The following ABCA12 variants were observed in gnomAD, a reference collection of about 807,000 sequenced individuals.
ABCA12 encodes the protein ATP binding cassette subfamily A member 12.
Under a neutral mutation model 293.5 loss-of-function variants are expected in ABCA12, and 156 were observed. The observed-to-expected ratio is 0.53, with a 90% CI of 0.47 to 0.61. The LOEUF is 0.61. ABCA12 is among the 20% of genes least tolerant of loss of function. The probability of loss-of-function intolerance (pLI) is 0.00; values close to 1 mark genes in which losing one functional copy is unlikely to be tolerated. For missense variants in ABCA12, 2,797 were observed against 3,090.2 expected, an observed-to-expected ratio of 0.91 and a Z score of 2.25; for synonymous variants, 1,063 against 1,108.0, an observed-to-expected ratio of 0.96 and a Z score of 0.81.
At chr2:215,010,604 G>GCCTCACATC in intron 17 of ABCA12, 134 bp from the exon 18 acceptor site, 5 of 1,020,946 alleles carry the variant, frequency 4.9e-6, no homozygotes, top group Non-Finnish European at 5.8e-6. Flanking sequence ...ATTAACAGAT[G>GCCTCACATC]TGAGGCATCT....
At chr2:214,951,513 A>G (rs115985564) in intron 44 of ABCA12, among the ~76,000 whole-genome samples, 4,350 of 152,334 alleles carry the variant, frequency 0.029, 206 homozygotes, top group African/African-American at 0.098. Context: ...CTATAATCCC[A>G]GCACTTTGAG....
At chr2:215,104,805 T>G (rs1702429607) in intron 2 of ABCA12, among the ~76,000 whole-genome samples, 1 of 152,176 alleles carries the variant, frequency 6.6e-6, no homozygotes, top group African/African-American at 2.4e-5. Flanking sequence ...TCTTTCGTAT[T>G]TGTGATGGAA....
At chr2:215,009,357 C>G (rs1303589005) in intron 18 of ABCA12, among the ~76,000 whole-genome samples, 1 of 152,054 alleles carries the variant, frequency 6.6e-6, no homozygotes, top group Non-Finnish European at 1.5e-5. Context: ...CTAATGGGTA[C>G]TAGGCTTAAT....
At chr2:215,020,218 A>C (rs1700597166) in intron 11 of ABCA12, among the ~76,000 whole-genome samples, 1 of 152,162 alleles carries the variant, frequency 6.6e-6, no homozygotes. Flanking sequence ...TATTTAAAAA[A>C]AAAAACAAAA....
At chr2:215,058,366 G>T (rs1374358688) in intron 3 of ABCA12, among the ~76,000 whole-genome samples, 2 of 151,906 alleles carry the variant, frequency 1.3e-5, no homozygotes, top group African/African-American at 4.8e-5. Context: ...GAGAATCAAG[G>T]TTGAGAAACC....
At chr2:215,066,079 TG>T (rs1222743098) in intron 2 of ABCA12, among the ~76,000 whole-genome samples, 3 of 152,118 alleles carry the variant, frequency 2.0e-5, no homozygotes, top group African/African-American at 7.2e-5. Context: ...AGAGAGTAGC[TG>T]CTAAACCGCC....
chr2:215,048,565 T>C (rs1350384402), intron 6 of ABCA12, among the ~76,000 whole-genome samples: 1 of 150,156 alleles, frequency 6.7e-6, no homozygotes, highest in Non-Finnish European at 1.5e-5. Flanking sequence ...TAGCTGGGTG[T>C]GGTGGCCTGC....
At chr2:215,128,184 T>G (rs1430114105) in intron 1 of ABCA12, among the ~76,000 whole-genome samples, 1 of 152,204 alleles carries the variant, frequency 6.6e-6, no homozygotes. Flanking sequence ...TCTGGTAAGT[T>G]TTCCTTTATA....
At chr2:215,122,345 T>C (rs545249548) in intron 1 of ABCA12, among the ~76,000 whole-genome samples, 37 of 152,312 alleles carry the variant, frequency 2.4e-4, no homozygotes, top group African/African-American at 7.9e-4. Flanking sequence ...AACTGGAACA[T>C]TGATCACATA....
intron 19 of ABCA12, 52 bp from the exon 20 acceptor site, chr2:215,004,351 A>C: frequency 7.3e-7 from 1 of 1,374,756 alleles, no homozygotes; most frequent in South Asian, 1.2e-5. Context: ...ATCATGTTTG[A>C]CATTGTCTCT....
intron 8 of ABCA12, 153 bp from the exon 9 acceptor site, chr2:215,032,049 C>T: frequency 4.0e-6 from 6 of 1,502,306 alleles, no homozygotes; most frequent in Non-Finnish European, 4.4e-6. Flanking sequence ...GACATCTATG[C>T]TCTTTTGTTG....
chr2:215,135,547 G>A (rs905029105), intron 1 of ABCA12, among the ~76,000 whole-genome samples: 31 of 152,236 alleles, frequency 2.0e-4, no homozygotes, highest in Middle Eastern at 3.4e-3. Flanking sequence ...CTGTTTTGCT[G>A]TGAGTAAAAG....
At chr2:214,959,676 T>C (rs1288740931) in intron 39 of ABCA12, among the ~76,000 whole-genome samples, 1 of 152,152 alleles carries the variant, frequency 6.6e-6, no homozygotes, top group Non-Finnish European at 1.5e-5. Flanking sequence ...CATTGAGACA[T>C]AAATATCCAA....
At position 214,983,848 on chromosome 2, in the gene ABCA12, A is replaced by G. The variant is rs760215508; in HGVS notation, c.4181T>C (p.Leu1394Pro). The part of the protein sequence containing the change: ...KTTTISMLTG[L>P]FGASAGTIFV... ...AATGGTGCCTGCTGAGGCCCCAAAC[A>G]GCCCAGTTAACATGGAACTGGAAAT... The change falls in exon 29 of 53, where the codon CTG (leucine) becomes CCG (proline). Residue 1394 changes from leucine to proline, a missense_variant. Leu to Pro is a moderately conservative substitution (Grantham distance 98). Coordinates refer to ENST00000272895, the MANE Select transcript of ABCA12 (RefSeq NM_173076.3). 6.2e-7 allele frequency: 1 copy of G among 1,614,008 alleles called. No individual in the cohort carries two copies. The highest frequency in any genetic ancestry group is 8.5e-7 in the Non-Finnish European group (1 of 1,179,980).
At chr2:215,098,878 C>T (rs1003000469) in intron 2 of ABCA12, among the ~76,000 whole-genome samples, 2 of 152,206 alleles carry the variant, frequency 1.3e-5, no homozygotes, top group African/African-American at 4.8e-5. Flanking sequence ...TTCAGTGTGG[C>T]CCAAAGCAGA....
In ABCA12 at chr2:214,966,855, G is replaced by A; in HGVS notation, c.5877C>T (p.Ala1959=). ...TTGTGTTAGTAACTTTACCATGTCG[G>A]GCAGCATCGTATTTTGACATGTTAA... The part of the protein sequence containing the change: ...LRVNMSKYDA[A]RHGIIMYSHP... Residue 1959 remains alanine, a synonymous_variant, in exon 39 of 53, where the codon GCC becomes GCT. Transcript: ENST00000272895. 1.2e-6 allele frequency: 2 copies of A among 1,613,592 alleles called. No individual in the cohort carries two copies. Among genetic ancestry groups the A allele is most frequent in the Non-Finnish European group, 1.7e-6 (2 of 1,179,654 alleles).
intron 1 of ABCA12, among the ~76,000 whole-genome samples, chr2:215,113,306 T>C (rs1369089968): frequency 6.6e-6 from 1 of 152,190 alleles, no homozygotes; most frequent in East Asian, 1.9e-4. Context: ...AAAATGGAAG[T>C]TCACAAAGTT....
chr2:215,010,439 G>A lies in ABCA12; in HGVS notation c.2364C>T (p.Ile788=). 2 of 1,613,778 alleles carry A rather than the reference G, an allele frequency of 1.2e-6. No homozygotes were observed. Among genetic ancestry groups the A allele is most frequent in the East Asian group, 2.2e-5 (1 of 44,856 alleles). Residue 788 remains isoleucine, a synonymous_variant, in exon 18 of 53, where the codon ATC becomes ATT. Transcript: ENST00000272895. ...TPFCFSLYKD[I]INMPAGPVIW... ...TCACAGGTCCAGCGGGCATGTTAATGATGTCTTTATAAAGGGAGAAGCAAA... is the reference window on the plus strand; with the variant it reads ...TCACAGGTCCAGCGGGCATGTTAATAATGTCTTTATAAAGGGAGAAGCAAA...
At chr2:215,017,447 AT>A (rs1439067796) in intron 14 of ABCA12, among the ~76,000 whole-genome samples, 1 of 152,194 alleles carries the variant, frequency 6.6e-6, no homozygotes, top group African/African-American at 2.4e-5. Context: ...GACCACATCT[AT>A]TGTATATGCT....
Sources: allele counts gnomAD v4.1 joint callset (sites outside exome capture counted in the v4.1 genomes callset), GRCh38; gene constraint gnomAD v4.1.1; transcripts MANE v1.5; gene names NCBI Gene and HGNC (gene_info 2026-07-23, HGNC 2026-07-21).